RHD: variants seen among roughly 807,000 people sequenced by gnomAD.
The protein encoded by RHD is blood group Rh(D) polypeptide.
In RHD, 16 loss-of-function variants were observed where a neutral mutation model predicts 45.5. That is an observed-to-expected ratio of 0.35 (90% CI 0.24 to 0.53). The LOEUF (loss-of-function observed/expected upper bound fraction) is 0.53. Among genes scored for constraint, RHD ranks in the 20% least tolerant of loss-of-function variants. RHD has a pLI of 0.92. For missense variants in RHD, 306 were observed against 532.0 expected (o/e 0.58, Z 4.18); for synonymous variants, 131 against 217.5 (o/e 0.60, Z 3.50).
intron 8 of RHD, among the ~76,000 whole-genome samples, chr1:25,319,465 G>T (rs1192352022): frequency 1.5e-5 from 2 of 131,756 alleles, no homozygotes; most frequent in South Asian, 2.3e-4. Context: ...ACAAAAATTA[G>T]CCAGGCGTGG....
At chr1:25,324,291 GA>G (rs1376016227) in intron 9 of RHD, among the ~76,000 whole-genome samples, 4 of 109,394 alleles carry the variant, frequency 3.7e-5, no homozygotes, top group African/African-American at 1.5e-4. Context: ...TCCTGTCTCT[GA>G]AAAAAAATAT....
At chr1:25,309,829 G>C (rs1395002093) in intron 7 of RHD, among the ~76,000 whole-genome samples, 1 of 132,580 alleles carries the variant, frequency 7.5e-6, no homozygotes, top group African/African-American at 2.6e-5. Flanking sequence ...TGAGGGTCTC[G>C]CCAGGGGAGA....
chr1:25,322,775 G>A (rs1571763485), intron 9 of RHD, among the ~76,000 whole-genome samples: 1 of 121,916 alleles, frequency 8.2e-6, no homozygotes, highest in East Asian at 2.0e-4. Flanking sequence ...TTTATTAGCC[G>A]GCGACCTAGA....
Position 25,292,621 on chromosome 1 carries a change from C to T in RHD, c.486+1830C>T, listed in dbSNP as rs1160271449. Among the ~76,000 whole-genome samples, 61 of 125,188 alleles carry T rather than the reference C, an allele frequency of 4.9e-4. 10 individuals carry two copies. Among genetic ancestry groups the T allele is most frequent in the African/African-American group, 1.6e-3 (58 of 36,976 alleles). 82.1% of individuals were successfully genotyped at this position (125,188 alleles called of 152,430 possible). A position where few individuals can be genotyped will look rare whatever the true frequency, so the allele number is the denominator to read the frequency against. On this transcript the variant is annotated intron_variant, in intron 3 of 9. Coordinates refer to ENST00000328664, the MANE Select transcript of RHD (RefSeq NM_016124.6). The stretch of plus-strand genomic sequence containing the variant: ...GGAGGGAAAACCCAGAGTTCAGTGT[C>T]GAATGTGGTAGCGTTAGGGTTAAGG...
At chr1:25,301,709 G>T in intron 5 of RHD, 23 bp downstream of exon 5, 1 of 1,370,332 alleles carries the variant, frequency 7.3e-7, no homozygotes, top group Non-Finnish European at 1.0e-6. Context: ...CTGCCCTTGG[G>T]CAGCACTTGG....
Position 25,287,077 on chromosome 1 carries a change from A to T in RHD, c.335+2318A>T, listed in dbSNP as rs1229540602. On this transcript the variant is annotated intron_variant, in intron 2 of 9. Coordinates refer to ENST00000328664, the MANE Select transcript of RHD (RefSeq NM_016124.6). ...CATTGCACTGTAGCCTGGGCGACAG[A>T]GTGAGGCTCTGTCTCAAAAACAAAA... is the stretch of plus-strand genomic sequence containing the variant. Among the ~76,000 whole-genome samples the T allele has an allele frequency of 5.9e-5, 8 of 135,152 alleles. 1 individual carries two copies. The highest frequency in any genetic ancestry group is 1.5e-4 in the African/African-American group (6 of 39,156). The allele number at this position is 135,152 out of a possible 152,430, so 88.7% of individuals were successfully genotyped here.
At chr1:25,318,498 G>C (rs921363263) in intron 8 of RHD, among the ~76,000 whole-genome samples, 1 of 131,284 alleles carries the variant, frequency 7.6e-6, no homozygotes, top group Non-Finnish European at 1.8e-5. Context: ...TGAAGTAGGG[G>C]AATGGCTTGA....
chr1:25,287,501 G>T (rs1366767745), intron 2 of RHD, among the ~76,000 whole-genome samples: 1 of 134,850 alleles, frequency 7.4e-6, no homozygotes, highest in Non-Finnish European at 1.8e-5. Flanking sequence ...CTGATGGGTG[G>T]TGCCCAGGCC....
At chr1:25,291,321 T>A (rs1001712617) in intron 3 of RHD, among the ~76,000 whole-genome samples, 1 of 129,472 alleles carries the variant, frequency 7.7e-6, no homozygotes, top group East Asian at 2.0e-4. Context: ...ATACAAAATT[T>A]AGCTGGGCAT....
chr1:25,309,808 A>AT lies in RHD; in HGVS notation c.1073+3080dup, dbSNP rs964912223. 2.3e-5 allele frequency among the ~76,000 whole-genome samples: 3 copies of AT among 132,526 alleles called. 1 individual carries two copies. The highest frequency in any genetic ancestry group is 5.4e-5 in the Non-Finnish European group (3 of 56,032). The allele number at this position is 132,526 out of a possible 152,430, so 86.9% of individuals were successfully genotyped here. A position where few individuals can be genotyped will look rare whatever the true frequency, so the allele number is the denominator to read the frequency against. ...TCACTCACAGGGCTGCTGTGAGGAC[A>AT]TGTGTTGAGCTGAGGGTCTCGCCAG... is the stretch of plus-strand genomic sequence containing the variant. On this transcript the variant is annotated intron_variant, in intron 7 of 9. Transcript: ENST00000328664.
At chr1:25,310,928 G>A (rs143857655) in intron 7 of RHD, among the ~76,000 whole-genome samples, 1,625 of 127,082 alleles carry the variant, frequency 0.013, 196 homozygotes, top group African/African-American at 0.04. Flanking sequence ...AGCTGAGATC[G>A]TGCTATTGCA....
intron 1 of RHD, among the ~76,000 whole-genome samples, chr1:25,273,411 T>C (rs1413745926): frequency 3.0e-5 from 3 of 101,302 alleles, no homozygotes; most frequent in Non-Finnish European, 4.8e-5. Context: ...CCCAAAGTGC[T>C]GGAATTACAG....
intron 1 of RHD, among the ~76,000 whole-genome samples, chr1:25,282,843 C>T (rs1270972358): frequency 1.5e-5 from 2 of 129,204 alleles, no homozygotes; most frequent in Non-Finnish European, 3.7e-5. Context: ...TGCAGCGAGC[C>T]GAGATCGCAC....
rs1474477945 is a variant in RHD, at chr1:25,306,938, A to T, written c.1073+209A>T. On this transcript the variant is annotated intron_variant, in intron 7 of 9. Coordinates refer to ENST00000328664, the MANE Select transcript of RHD (RefSeq NM_016124.6). ...CCTCTCCAGGCCACCTCTTCTTTCCAAATAGGGCCACCTAGGTATAGACCA... is the reference window on the plus strand; with the variant it reads ...CCTCTCCAGGCCACCTCTTCTTTCCTAATAGGGCCACCTAGGTATAGACCA... The T allele has an allele frequency of 4.7e-5, 26 of 550,178 alleles. 7 individuals are homozygous for T. Among genetic ancestry groups the T allele is most frequent in the Non-Finnish European group, 4.2e-5 (12 of 284,016 alleles). The allele number at this position is 550,178 out of a possible 1,614,324, so 34.1% of individuals were successfully genotyped here.
chr1:25,323,568 TC>T (rs1644828241), intron 9 of RHD, among the ~76,000 whole-genome samples: 1 of 125,452 alleles, frequency 8.0e-6, no homozygotes, highest in Admixed American at 8.0e-5. Context: ...CAGGAGATCC[TC>T]CCCCCTCAGC....
Position 25,280,775 on chromosome 1 carries a change from G to A in RHD, c.149-3798G>A, listed in dbSNP as rs1220528753. ...TACAGGCACTCGCCACCACGCCCAA[G>A]TAATTTTGTATTTTTTGTAGAGACA... is the stretch of plus-strand genomic sequence containing the variant. On this transcript the variant is annotated intron_variant, in intron 1 of 9. Transcript: ENST00000328664. Among the ~76,000 whole-genome samples, 3 of 130,644 alleles carry A rather than the reference G, an allele frequency of 2.3e-5. 1 individual carries two copies. The highest frequency in any genetic ancestry group is 5.4e-5 in the Non-Finnish European group (3 of 55,272). The allele number at this position is 130,644 out of a possible 152,430, so 85.7% of individuals were successfully genotyped here. A position where few individuals can be genotyped will look rare whatever the true frequency, so the allele number is the denominator to read the frequency against.
At position 25,281,035 on chromosome 1, in the gene RHD, T is replaced by A. The variant is rs1367002006; in HGVS notation, c.149-3538T>A. On this transcript the variant is annotated intron_variant, in intron 1 of 9. Coordinates refer to ENST00000328664, the MANE Select transcript of RHD (RefSeq NM_016124.6). Reference sequence around the variant, plus strand: ...AGAGCTGTAAAAGCCTTAGAGAGTATCAAGTCCAACTCCTATGTGTTACAG... The same window carrying A: ...AGAGCTGTAAAAGCCTTAGAGAGTAACAAGTCCAACTCCTATGTGTTACAG... Among the ~76,000 whole-genome samples, 2 of 131,918 alleles carry A rather than the reference T, an allele frequency of 1.5e-5. 1 individual carries two copies. Among genetic ancestry groups the A allele is most frequent in the Non-Finnish European group, 3.6e-5 (2 of 55,882 alleles). The allele number at this position is 131,918 out of a possible 152,430, so 86.5% of individuals were successfully genotyped here. A position where few individuals can be genotyped will look rare whatever the true frequency, so the allele number is the denominator to read the frequency against.
chr1:25,318,977 T>C (rs116288488), intron 8 of RHD, among the ~76,000 whole-genome samples: 1,400 of 133,172 alleles, frequency 0.011, 8 homozygotes, highest in African/African-American at 0.033. Context: ...GGAGTAGCGT[T>C]AATTCCGTAA....
chr1:25,292,121 A>C (rs1424420535), intron 3 of RHD, among the ~76,000 whole-genome samples: 1 of 132,152 alleles, frequency 7.6e-6, no homozygotes, highest in African/African-American at 2.6e-5. Context: ...GTACTACCAC[A>C]TAGGGTTTTG....
Sources: allele counts gnomAD v4.1 joint callset (sites outside exome capture counted in the v4.1 genomes callset), GRCh38; gene constraint gnomAD v4.1.1; transcripts MANE v1.5; gene names NCBI Gene and HGNC (gene_info 2026-07-23, HGNC 2026-07-21).